The following GLDC variants were observed in gnomAD, a reference collection of about 807,000 sequenced individuals.
The protein encoded by GLDC is glycine decarboxylase.
Under a neutral mutation model 121.3 loss-of-function variants are expected in GLDC, and 104 were observed. That is an observed-to-expected ratio of 0.86 (90% CI 0.73 to 1.01). GLDC has a LOEUF of 1.01. Among genes scored for constraint, GLDC ranks in the 50% least tolerant of loss-of-function variants. The probability of loss-of-function intolerance (pLI) is 0.00; values close to 1 mark genes in which losing one functional copy is unlikely to be tolerated. For missense variants in GLDC, 1,429 were observed against 1,306.6 expected (o/e 1.09, Z -1.44); for synonymous variants, 546 against 480.6 (o/e 1.14, Z -1.78).
chr9:6,575,472 C>A (rs1187742003), intron 15 of GLDC, among the ~76,000 whole-genome samples: 1 of 152,214 alleles, frequency 6.6e-6, no homozygotes, highest in Non-Finnish European at 1.5e-5. Context: ...TCCAGACTTA[C>A]TGAATCAGAA....
At chr9:6,592,118 G>T (rs375547909) in intron 11 of GLDC, 25 bp downstream of exon 11, 85 of 1,387,090 alleles carry the variant, frequency 6.1e-5, no homozygotes, top group Non-Finnish European at 8.0e-5. Context: ...TTATGATGAG[G>T]AACGCATGTT....
At chr9:6,573,040 T>G (rs1166507171) in intron 15 of GLDC, among the ~76,000 whole-genome samples, 1 of 152,236 alleles carries the variant, frequency 6.6e-6, no homozygotes, top group Non-Finnish European at 1.5e-5. Context: ...AAGCAAATTA[T>G]TCCTCTGGAT....
chr9:6,582,805 G>T (rs1165870562), intron 15 of GLDC, among the ~76,000 whole-genome samples: 1 of 151,550 alleles, frequency 6.6e-6, no homozygotes, highest in African/African-American at 2.4e-5. Context: ...CTCCAGTCTG[G>T]GCGACAGAGC....
chr9:6,644,580 A>G (rs1208204777), intron 2 of GLDC, 34 bp downstream of exon 2: 8 of 1,417,592 alleles, frequency 5.6e-6, no homozygotes, highest in Middle Eastern at 1.8e-4. Context: ...GGCCAGAATA[A>G]TCTAAGTCCA....
chr9:6,639,545 G>C (rs1819582952), intron 2 of GLDC: 1 of 785,066 alleles, frequency 1.3e-6, no homozygotes, highest in South Asian at 1.3e-5. Context: ...GAGAGAAGAA[G>C]GTATATGTTC....
intron 21 of GLDC, chr9:6,540,450 G>A: frequency 2.6e-6 from 1 of 388,604 alleles, no homozygotes. Context: ...GGAGGTGTCT[G>A]GGGATGAGAT....
At chr9:6,557,114 C>A (rs1370939316) in intron 17 of GLDC, among the ~76,000 whole-genome samples, 1 of 152,126 alleles carries the variant, frequency 6.6e-6, no homozygotes, top group Non-Finnish European at 1.5e-5. Flanking sequence ...TGCAGGATGA[C>A]TATATTTAAC....
intron 24 of GLDC, among the ~76,000 whole-genome samples, 191 bp from the exon 25 acceptor site, chr9:6,533,351 C>T (rs549507530): frequency 1.3e-5 from 2 of 152,264 alleles, no homozygotes; most frequent in East Asian, 3.9e-4. Context: ...TCCCTGATCA[C>T]CACCCCTGTT....
At chr9:6,621,542 G>A (rs1379047768) in intron 2 of GLDC, among the ~76,000 whole-genome samples, 6 of 152,064 alleles carry the variant, frequency 3.9e-5, no homozygotes, top group Admixed American at 3.9e-4. Flanking sequence ...TTTTGAGAGG[G>A]AGTCTTGCTC....
chr9:6,562,617 T>G (rs1407811547), intron 16 of GLDC, among the ~76,000 whole-genome samples: 1 of 152,212 alleles, frequency 6.6e-6, no homozygotes, highest in Non-Finnish European at 1.5e-5. Flanking sequence ...TGGAGTGCAG[T>G]GGTGCGATCT....
chr9:6,588,733 C>T, intron 12 of GLDC, 31 bp from the exon 13 acceptor site: 2 of 1,385,812 alleles, frequency 1.4e-6, no homozygotes, highest in African/African-American at 1.4e-5. Context: ...ATTAGGGGCC[C>T]CAAAAGTAGA....
At chr9:6,597,035 C>G (rs890368484) in intron 8 of GLDC, among the ~76,000 whole-genome samples, 1 of 152,172 alleles carries the variant, frequency 6.6e-6, no homozygotes, top group Non-Finnish European at 1.5e-5. Context: ...GGATATTACC[C>G]AGCCATAGAA....
chr9:6,606,516 A>G, intron 5 of GLDC, 76 bp downstream of exon 5: 1 of 939,558 alleles, frequency 1.1e-6, no homozygotes. Context: ...ATCAGTTTGG[A>G]AGTGAGAAAG....
chr9:6,549,727 C>T (rs12347456), intron 21 of GLDC, among the ~76,000 whole-genome samples: 68,620 of 151,724 alleles, frequency 0.45, 16,251 homozygotes, highest in Admixed American at 0.53. Context: ...ATTCCCTCTA[C>T]TGTAAGCCCT....
intron 18 of GLDC, 38 bp from the exon 19 acceptor site, chr9:6,554,819 G>T: frequency 6.7e-7 from 1 of 1,488,320 alleles, no homozygotes; most frequent in Non-Finnish European, 9.3e-7. Context: ...AAAGTCAAGA[G>T]CTTGGAAGCA....
chr9:6,595,039 A>T lies in GLDC; in HGVS notation c.1236T>A (p.His412Gln), dbSNP rs755595064. The change falls in exon 9 of 25, where the codon CAT becomes CAA. Residue 412 changes from histidine (H) to glutamine (Q), a missense_variant. Coordinates refer to ENST00000321612, the MANE Select transcript of GLDC (RefSeq NM_000170.3). ...CTTCTGACAAAATCAAAGTGGCATT[A>T]TGTACCCTCCTAGCAATATGCTCCA... ...HGLEHIARRV[H>Q]NATLILSEGL... 3.7e-6 allele frequency: 6 copies of T among 1,607,008 alleles called. No homozygotes were observed. The South Asian group carries it at 5.5e-5, about 15-fold the overall frequency.
intron 2 of GLDC, among the ~76,000 whole-genome samples, chr9:6,631,158 C>A (rs1819369510): frequency 6.6e-6 from 1 of 152,248 alleles, no homozygotes; most frequent in Non-Finnish European, 1.5e-5. Flanking sequence ...TGCTCTAAGC[C>A]TGCCAGGCTC....
chr9:6,556,195 A>G lies in GLDC; in HGVS notation c.2160T>C (p.His720=), dbSNP rs758841885. 6.2e-7 allele frequency: 1 copy of G among 1,613,304 alleles called. No individual in the cohort carries two copies. The highest frequency in any genetic ancestry group is 2.2e-5 in the East Asian group (1 of 44,872). ...ISDVCDLIHQ[H]GGQVYLDGAN... ...CCCCGTCTAGGTAGACCTGTCCTCC[A>G]TGTTGATGGATGAGGTCACACACGT... The change falls in exon 18 of 25, where the codon CAT becomes CAC. Residue 720 remains histidine, a synonymous_variant. Transcript: ENST00000321612.
chr9:6,559,671 C>T (rs1422189712), intron 16 of GLDC, among the ~76,000 whole-genome samples: 1 of 151,484 alleles, frequency 6.6e-6, no homozygotes, highest in Non-Finnish European at 1.5e-5. Flanking sequence ...AAAAATTAGC[C>T]AGGTGTGGTG....
Sources: gnomAD v4.1 joint callset for allele counts (sites outside exome capture counted in the v4.1 genomes callset) on GRCh38, gnomAD v4.1.1 for gene constraint, MANE v1.5 for transcripts, NCBI Gene and HGNC (gene_info 2026-07-23, HGNC 2026-07-21) for gene names.